The following EPN1 variants were observed in gnomAD, a reference collection of about 807,000 sequenced individuals.
EPN1 encodes epsin-1.
In EPN1, 25 loss-of-function variants were observed where a neutral mutation model predicts 56.9. The observed-to-expected ratio is 0.44, with a 90% CI of 0.32 to 0.61. The LOEUF is 0.61. Among genes scored for constraint, EPN1 ranks in the 20% least tolerant of loss-of-function variants. The probability of loss-of-function intolerance (pLI) is 0.05; values close to 1 mark genes in which losing one functional copy is unlikely to be tolerated. For synonymous variants in EPN1, 411 were observed against 361.8 expected (o/e 1.14, Z -1.54); for missense variants, 785 against 823.7 (o/e 0.95, Z 0.58).
At position 55,685,510 on chromosome 19, in the gene EPN1, G is replaced by A. The variant is rs779402273; in HGVS notation, c.343G>A (p.Asp115Asn). ...TLKDFQYVDR[D>N]GKDQGVNVRE... ...GAAGGACTTCCAGTACGTGGACCGC[G>A]ACGGCAAGGACCAGGGCGTGAACGT... Residue 115 changes from aspartate to asparagine, a missense_variant, in exon 3 of 11, where the codon GAC becomes AAC. By Grantham distance (23) the Asp-to-Asn change is conservative. Coordinates refer to ENST00000270460, the MANE Select transcript of EPN1 (RefSeq NM_001130072.2). The A allele has an allele frequency of 2.5e-6, 4 of 1,612,830 alleles. No individual in the cohort carries two copies. The highest frequency in any genetic ancestry group is 3.4e-6 in the Non-Finnish European group (4 of 1,179,502).
In EPN1 at chr19:55,707,157, G is replaced by C. The variant is rs527421805; in HGVS notation, c.*11801G>C. On this transcript the variant is annotated 3_prime_UTR_variant, in exon 11 of 11. Coordinates refer to ENST00000270460, the MANE Select transcript of EPN1 (RefSeq NM_001130072.2). ...GATTGTGCCACTGCACTCCAGCCTG[G>C]GCGAGCAACAGAGTGAGGCTGTCTC... 6.6e-6 allele frequency: 1 copy of C among 151,366 alleles called. No homozygotes were observed. Among genetic ancestry groups the C allele is most frequent in the Non-Finnish European group, 1.5e-5 (1 of 67,918 alleles). 9.4% of individuals were successfully genotyped at this position (151,366 alleles called of 1,614,324 possible).
At position 55,700,565 on chromosome 19, in the gene EPN1, T is replaced by G. The variant is rs10421319; in HGVS notation, c.*5209T>G. 3 of 151,542 alleles carry G rather than the reference T, an allele frequency of 2.0e-5. No individual in the cohort carries two copies. Among genetic ancestry groups the G allele is most frequent in the Non-Finnish European group, 2.9e-5 (2 of 68,022 alleles). 9.4% of individuals were successfully genotyped at this position (151,542 alleles called of 1,614,324 possible). A position where few individuals can be genotyped will look rare whatever the true frequency, so the allele number is the denominator to read the frequency against. On this transcript the variant is annotated 3_prime_UTR_variant, in exon 11 of 11. Coordinates refer to ENST00000270460, the MANE Select transcript of EPN1 (RefSeq NM_001130072.2). Reference sequence around the variant, plus strand: ...GTGAGCCACGGCACCCGGCCCATAATTACAAACTTTCTGAGGGACATCTTG... The same window carrying G: ...GTGAGCCACGGCACCCGGCCCATAAGTACAAACTTTCTGAGGGACATCTTG...
chr19:55,677,717 T>A (rs1985533662), intron 1 of EPN1: 2 of 1,547,286 alleles, frequency 1.3e-6, no homozygotes, highest in South Asian at 2.4e-5. Flanking sequence ...GCTTCCCCGG[T>A]TCTTCCTGCC....
intron 2 of EPN1, 116 bp downstream of exon 2, chr19:55,678,971 G>A (rs1985621689): frequency 1.5e-6 from 1 of 682,614 alleles, no homozygotes; most frequent in Non-Finnish European, 2.5e-6. Context: ...AACTGGAGAA[G>A]AGTAAAATCT....
At position 55,704,650 on chromosome 19, in the gene EPN1, A is replaced by G. The variant is rs753727065; in HGVS notation, c.*9294A>G. 2.0e-5 allele frequency: 3 copies of G among 152,338 alleles called. No homozygotes were observed. Among genetic ancestry groups the G allele is most frequent in the East Asian group, 1.9e-4 (1 of 5,188 alleles). 9.4% of individuals were successfully genotyped at this position (152,338 alleles called of 1,614,324 possible). A position where few individuals can be genotyped will look rare whatever the true frequency, so the allele number is the denominator to read the frequency against. On this transcript the variant is annotated 3_prime_UTR_variant, in exon 11 of 11. Coordinates refer to ENST00000270460, the MANE Select transcript of EPN1 (RefSeq NM_001130072.2). ...CCATCCACACTGTCTGGGGGAAGGC[A>G]CACACACCCCACAGCACCCTTGCTG...
At chr19:55,678,882 C>A (rs1176498288) in intron 2 of EPN1, 27 bp downstream of exon 2, 2 of 1,536,716 alleles carry the variant, frequency 1.3e-6, no homozygotes, top group South Asian at 1.2e-5. Flanking sequence ...CCTCCCCGGG[C>A]AGGTGCAGGG....
chr19:55,693,010 G>A lies in EPN1; in HGVS notation c.1237G>A (p.Ala413Thr), dbSNP rs778197041. Residue 413 changes from alanine (A) to threonine (T), a missense_variant, in exon 9 of 11, where the codon GCA (alanine) becomes ACA (threonine). By Grantham distance (58) the Ala-to-Thr change is moderately conservative. Transcript: ENST00000270460. Reference sequence around the variant, plus strand: ...CTCTGACTTTGACCGACTCCGCACGGCACTGCCGACCTCCGGGAGCAGCGC... The same window carrying A: ...CTCTGACTTTGACCGACTCCGCACGACACTGCCGACCTCCGGGAGCAGCGC... ...EFSDFDRLRTALPTSGSSAGE... is the reference protein window; with the variant it reads ...EFSDFDRLRTTLPTSGSSAGE... 2 of 1,613,278 alleles carry A rather than the reference G, an allele frequency of 1.2e-6. No individual in the cohort carries two copies. Among genetic ancestry groups the A allele is most frequent in the Non-Finnish European group, 1.7e-6 (2 of 1,179,556 alleles).
intron 1 of EPN1, among the ~76,000 whole-genome samples, chr19:55,678,137 G>T (rs968062586): frequency 6.6e-6 from 1 of 152,196 alleles, no homozygotes. Flanking sequence ...AAGGAAGAGC[G>T]CATGGGCAGG....
rs577269511 is a variant in EPN1 at position 55,683,044 on chromosome 19, C to T, written c.229-2352C>T. Among the ~76,000 whole-genome samples, 17 of 150,956 alleles carry T rather than the reference C, an allele frequency of 1.1e-4. No individual in the cohort carries two copies. The East Asian group carries it at 1.2e-3, about 10-fold the overall frequency. On this transcript the variant is annotated intron_variant, in intron 2 of 10. Transcript: ENST00000270460. Reference sequence around the variant, plus strand: ...TGCTGGGATTACAGGTGTGAGCCACCGCGCCCAGCCTGTTTTTTGTTTTTT... The same window carrying T: ...TGCTGGGATTACAGGTGTGAGCCACTGCGCCCAGCCTGTTTTTTGTTTTTT...
intron 1 of EPN1, chr19:55,677,823 C>T (rs1985542968): frequency 7.1e-7 from 1 of 1,409,612 alleles, no homozygotes; most frequent in East Asian, 2.7e-5. Context: ...TTCCTGCCCC[C>T]TCTGCCCTTG....
chr19:55,688,512 A>G (rs1192425680), intron 3 of EPN1, among the ~76,000 whole-genome samples: 1 of 151,824 alleles, frequency 6.6e-6, no homozygotes, highest in Admixed American at 6.6e-5. Flanking sequence ...GGGAGGAAGG[A>G]CCTCCCATCC....
At position 55,693,385 on chromosome 19, in the gene EPN1, G is replaced by A. The variant is rs112055152; in HGVS notation, c.1264+348G>A. The A allele has an allele frequency of 1.6e-5, 3 of 187,132 alleles. No homozygotes were observed. The South Asian group carries it at 4.1e-4, about 26-fold the overall frequency. The allele number at this position is 187,132 out of a possible 1,614,324, so 11.6% of individuals were successfully genotyped here. A position where few individuals can be genotyped will look rare whatever the true frequency, so the allele number is the denominator to read the frequency against. Reference sequence around the variant, plus strand: ...ACTGTCTTGTCCTGTGCAGTGAGCTGCGTGGACAGGGGTTTGGAAGGCAGC... The same window carrying A: ...ACTGTCTTGTCCTGTGCAGTGAGCTACGTGGACAGGGGTTTGGAAGGCAGC... On this transcript the variant is annotated intron_variant, in intron 9 of 10. Coordinates refer to ENST00000270460, the MANE Select transcript of EPN1 (RefSeq NM_001130072.2).
Position 55,708,823 on chromosome 19 carries a change from T to C in EPN1, c.*13467T>C. 1.2e-6 allele frequency: 1 copy of C among 838,076 alleles called. No homozygotes were observed. The highest frequency in any genetic ancestry group is 1.8e-6 in the Non-Finnish European group (1 of 552,752). The allele number at this position is 838,076 out of a possible 1,614,324, so 51.9% of individuals were successfully genotyped here. A position where few individuals can be genotyped will look rare whatever the true frequency, so the allele number is the denominator to read the frequency against. On this transcript the variant is annotated 3_prime_UTR_variant, in exon 11 of 11. Transcript: ENST00000270460. ...TGAAATCACAGCCCTGCTGCCATGATGTGCAATTACAGGATAGAGGTGCCA... is the reference window on the plus strand; with the variant it reads ...TGAAATCACAGCCCTGCTGCCATGACGTGCAATTACAGGATAGAGGTGCCA...
At chr19:55,677,765 A>T (rs777695285) in intron 1 of EPN1, 1 of 1,494,634 alleles carries the variant, frequency 6.7e-7, no homozygotes, top group South Asian at 1.3e-5. Flanking sequence ...TCTGTCTTTA[A>T]TCCCTTCATC....
chr19:55,709,046 T>C lies in EPN1; in HGVS notation c.*13690T>C. The C allele has an allele frequency of 6.4e-7, 1 of 1,557,810 alleles. No homozygotes were observed. The highest frequency in any genetic ancestry group is 2.3e-5 in the Admixed American group (1 of 43,954). ...TCATCAAAGCCAGATTTGTGCAGCCTGGGAAAATAGAAATAAAGTTTTTTT... is the reference window on the plus strand; with the variant it reads ...TCATCAAAGCCAGATTTGTGCAGCCCGGGAAAATAGAAATAAAGTTTTTTT... On this transcript the variant is annotated 3_prime_UTR_variant, in exon 11 of 11. Coordinates refer to ENST00000270460, the MANE Select transcript of EPN1 (RefSeq NM_001130072.2).
chr19:55,695,599 AG>A lies in EPN1; in HGVS notation c.*247del, dbSNP rs1189977157. ...CCTTTCCCGTGGCATTAGAAGGGGGAGGGGTGGCTGGGGCCCCCACCCATTC... is the reference window on the plus strand; with the variant it reads ...CCTTTCCCGTGGCATTAGAAGGGGGAGGGTGGCTGGGGCCCCCACCCATTC... On this transcript the variant is annotated 3_prime_UTR_variant, in exon 11 of 11. Transcript: ENST00000270460. This position sits in a 1 kb window ranked among gnomAD's most constrained non-coding sequence, Gnocchi z 4.4. 4 of 508,832 alleles carry A rather than the reference AG, an allele frequency of 7.9e-6. No individual in the cohort carries two copies. Among genetic ancestry groups the A allele is most frequent in the African/African-American group, 1.9e-5 (1 of 51,668 alleles). 31.5% of individuals were successfully genotyped at this position (508,832 alleles called of 1,614,324 possible).
intron 9 of EPN1, chr19:55,693,253 G>C (rs1383229590): frequency 3.6e-6 from 2 of 553,572 alleles, no homozygotes; most frequent in Non-Finnish European, 6.4e-6. Context: ...GAGAAAAACT[G>C]AGAATTGTTC....
At chr19:55,680,714 T>A (rs1309129899) in intron 2 of EPN1, 1 of 152,376 alleles carries the variant, frequency 6.6e-6, no homozygotes, top group Non-Finnish European at 1.5e-5. Context: ...GGTCCACGTC[T>A]AGCCAGCGCC....
chr19:55,689,025 C>A lies in EPN1; in HGVS notation c.603+31C>A. 1 of 1,559,318 alleles carries A rather than the reference C, an allele frequency of 6.4e-7. No homozygotes were observed. Among genetic ancestry groups the A allele is most frequent in the East Asian group, 2.3e-5 (1 of 43,672 alleles). ...GGGCGTGCAGCTGGGGCTGTCTGTC[C>A]GCCACCCGCCTCCACGCCTCACTTC... On this transcript the variant is annotated intron_variant, in intron 4 of 10. Coordinates refer to ENST00000270460, the MANE Select transcript of EPN1 (RefSeq NM_001130072.2). This position sits in a 1 kb window ranked among gnomAD's most constrained non-coding sequence, Gnocchi z 5.7.
Sources: gnomAD v4.1 joint callset for allele counts (sites outside exome capture counted in the v4.1 genomes callset) on GRCh38, gnomAD v4.1.1 for gene constraint, Gnocchi (gnomAD v3.1) non-coding constraint, MANE v1.5 for transcripts, NCBI Gene and HGNC (gene_info 2026-07-23, HGNC 2026-07-21) for gene names.